GPR158: variants seen among roughly 807,000 people sequenced by gnomAD.
The protein encoded by GPR158 is G protein-coupled receptor 158, also known as metabotropic glycine receptor.
GPR158 carries 30 observed loss-of-function variants against 78.2 expected under a neutral mutation model. The ratio of observed to expected loss-of-function variants is 0.38; its 90% CI spans 0.29 to 0.52. The LOEUF is 0.52. Ranked by LOEUF, GPR158 falls within the 20% of genes least tolerant of loss-of-function variation. The pLI, the probability that GPR158 is intolerant of heterozygous loss-of-function variation, is 0.83. For synonymous variants in GPR158, 581 were observed against 591.1 expected, an observed-to-expected ratio of 0.98 and a Z score of 0.25; for missense variants, 1,463 against 1,523.5, an observed-to-expected ratio of 0.96 and a Z score of 0.66.
At chr10:25,502,415 T>C (rs1255195074) in intron 5 of GPR158, among the ~76,000 whole-genome samples, 8 of 152,170 alleles carry the variant, frequency 5.3e-5, no homozygotes, top group Non-Finnish European at 1.5e-5. Context: ...ACCAAAACCC[T>C]GCGTGAGGCT....
At position 25,375,850 on chromosome 10, in the gene GPR158, G is replaced by A. The variant is rs117516138; in HGVS notation, c.1009-20061G>A. ...TTCTCTCATTTAATTCTTCCTTGTC[G>A]CAATTGTTTTAGTTATTCTAGGAGC... On this transcript the variant is annotated intron_variant, in intron 2 of 10. Transcript: ENST00000376351. 7.7e-3 allele frequency among the ~76,000 whole-genome samples: 1,158 copies of A among 151,344 alleles called. 10 individuals are homozygous for A. Among genetic ancestry groups the A allele is most frequent in the Middle Eastern group, 0.034 (10 of 292 alleles).
chr10:25,214,432 C>A (rs1051786934), intron 1 of GPR158, among the ~76,000 whole-genome samples: 1 of 152,182 alleles, frequency 6.6e-6, no homozygotes, highest in Admixed American at 6.5e-5. Context: ...AGACTCTTTA[C>A]ACAGCTTCCT....
In GPR158 at chr10:25,434,552, G is replaced by T. The variant is rs182846138; in HGVS notation, c.1335+22079G>T. Among the ~76,000 whole-genome samples the T allele has an allele frequency of 6.6e-4, 101 of 152,248 alleles. 1 individual carries two copies. The highest frequency in any genetic ancestry group is 2.4e-3 in the African/African-American group (99 of 41,556). ...GGACTTTGCACAGTTATAAATTAATGCCTTCATTAATCATTTGTTTAGGAA... is the reference window on the plus strand; with the variant it reads ...GGACTTTGCACAGTTATAAATTAATTCCTTCATTAATCATTTGTTTAGGAA... On this transcript the variant is annotated intron_variant, in intron 4 of 10. Transcript: ENST00000376351.
intron 5 of GPR158, among the ~76,000 whole-genome samples, chr10:25,500,931 G>A (rs1319997999): frequency 6.6e-6 from 1 of 152,186 alleles, no homozygotes; most frequent in African/African-American, 2.4e-5. Flanking sequence ...GAGGTCTCCA[G>A]CTATGTTTGG....
chr10:25,576,479 C>G (rs1054135699), intron 7 of GPR158, among the ~76,000 whole-genome samples: 1 of 152,010 alleles, frequency 6.6e-6, no homozygotes, highest in Non-Finnish European at 1.5e-5. Flanking sequence ...CATTTTTCCA[C>G]TTGCAGTAAT....
intron 2 of GPR158, among the ~76,000 whole-genome samples, chr10:25,382,813 T>C (rs1588837440): frequency 6.6e-6 from 1 of 152,034 alleles, no homozygotes; most frequent in Non-Finnish European, 1.5e-5. Context: ...TTCATTCATT[T>C]ATTTATTTTA....
chr10:25,366,860 C>A (rs1855731757), intron 2 of GPR158, among the ~76,000 whole-genome samples: 1 of 151,380 alleles, frequency 6.6e-6, no homozygotes, highest in African/African-American at 2.4e-5. Flanking sequence ...GTTTATTAAC[C>A]ATTGTAATGT....
intron 2 of GPR158, among the ~76,000 whole-genome samples, chr10:25,392,674 T>A (rs539611938): frequency 2.6e-5 from 4 of 152,232 alleles, no homozygotes; most frequent in Admixed American, 6.5e-5. Context: ...GTTTTTTTTT[T>A]AAACTAGGTT....
intron 1 of GPR158, among the ~76,000 whole-genome samples, chr10:25,216,464 A>G (rs1173060294): frequency 6.7e-6 from 1 of 149,276 alleles, no homozygotes; most frequent in Non-Finnish European, 1.5e-5. Context: ...TTGCTTGGGT[A>G]TTTTTTGGGG....
intron 3 of GPR158, among the ~76,000 whole-genome samples, chr10:25,408,007 G>T (rs571212418): frequency 6.6e-6 from 1 of 152,166 alleles, no homozygotes; most frequent in Non-Finnish European, 1.5e-5. Flanking sequence ...TGAGTGATTC[G>T]AGGTGCTAAA....
chr10:25,414,709 C>T (rs958269391), intron 4 of GPR158, among the ~76,000 whole-genome samples: 9 of 152,070 alleles, frequency 5.9e-5, no homozygotes, highest in Non-Finnish European at 8.8e-5. Context: ...AAAGAAGAAA[C>T]TTGATGATCT....
chr10:25,486,810 A>C (rs1380280705), intron 5 of GPR158, among the ~76,000 whole-genome samples: 3 of 112,704 alleles, frequency 2.7e-5, no homozygotes, highest in Non-Finnish European at 4.0e-5. Context: ...ACTATGATAG[A>C]CCATTTTTTT....
At position 25,596,716 on chromosome 10, in the gene GPR158, G is replaced by C. The variant is rs140090961; in HGVS notation, c.2072G>C (p.Arg691Pro). The change falls in exon 10 of 11, where the codon CGA becomes CCA. Residue 691 changes from arginine to proline, a missense_variant. Transcript: ENST00000376351. The stretch of plus-strand genomic sequence containing the variant: ...TATGAGGATGAGCTAGACATGGGCC[G>C]ATCTGGATCCTACCTGAACAGCAGT... ...EAYEDELDMG[R>P]SGSYLNSSIN... 2 of 1,613,250 alleles carry C rather than the reference G, an allele frequency of 1.2e-6. No individual in the cohort carries two copies. Among genetic ancestry groups the C allele is most frequent in the Middle Eastern group, 1.6e-4 (1 of 6,082 alleles).
At chr10:25,314,885 A>ATATATATATG (rs1329409723) in intron 2 of GPR158, among the ~76,000 whole-genome samples, 1 of 120,302 alleles carries the variant, frequency 8.3e-6, no homozygotes, top group African/African-American at 3.4e-5. Flanking sequence ...ATATATATAT[A>ATATATATATG]TGACTAATGA....
At position 25,599,352 on chromosome 10, in the gene GPR158, A is replaced by T; in HGVS notation, c.*78A>T. On this transcript the variant is annotated 3_prime_UTR_variant, in exon 11 of 11. Transcript: ENST00000376351. ...GAAGATATAAGAATCAAATATTCCCAAGGAGGATTTGTCAATCAAGGAAAA... is the reference window on the plus strand; with the variant it reads ...GAAGATATAAGAATCAAATATTCCCTAGGAGGATTTGTCAATCAAGGAAAA... 1 of 1,111,582 alleles carries T rather than the reference A, an allele frequency of 9.0e-7. No homozygotes were observed. The highest frequency in any genetic ancestry group is 1.3e-6 in the Non-Finnish European group (1 of 778,566). 68.9% of individuals were successfully genotyped at this position (1,111,582 alleles called of 1,614,324 possible).
At chr10:25,535,126 G>A (rs72788277) in intron 5 of GPR158, among the ~76,000 whole-genome samples, 4,030 of 152,210 alleles carry the variant, frequency 0.026, 70 homozygotes, top group Non-Finnish European at 0.037. Context: ...TTTGAACCCA[G>A]GTAGATAACA....
chr10:25,564,096 T>C (rs533641315), intron 6 of GPR158, among the ~76,000 whole-genome samples: 1 of 152,334 alleles, frequency 6.6e-6, no homozygotes, highest in African/African-American at 2.4e-5. Context: ...GAAGTCTCTT[T>C]TCTGTTGGGT....
chr10:25,576,641 C>T (rs1173032798), intron 7 of GPR158, among the ~76,000 whole-genome samples: 1 of 151,956 alleles, frequency 6.6e-6, no homozygotes, highest in Admixed American at 6.6e-5. Context: ...GCATGCGGTT[C>T]CTTAGGCAAT....
At chr10:25,463,718 C>T (rs1835387119) in intron 4 of GPR158, among the ~76,000 whole-genome samples, 1 of 152,078 alleles carries the variant, frequency 6.6e-6, no homozygotes, top group African/African-American at 2.4e-5. Flanking sequence ...CCACCGCCCC[C>T]ACCCCCATAC....
Sources: allele counts gnomAD v4.1 joint callset (sites outside exome capture counted in the v4.1 genomes callset), GRCh38; gene constraint gnomAD v4.1.1; transcripts MANE v1.5; gene names NCBI Gene and HGNC (gene_info 2026-07-23, HGNC 2026-07-21).